PTPRS: variants seen among roughly 807,000 people sequenced by gnomAD.
PTPRS encodes protein tyrosine phosphatase receptor type S.
A neutral mutation model predicts 215.3 loss-of-function variants in PTPRS; 63 were observed. The ratio of observed to expected loss-of-function variants is 0.29; its 90% CI spans 0.24 to 0.36. The LOEUF (loss-of-function observed/expected upper bound fraction) is 0.36. Among genes scored for constraint, PTPRS ranks in the 10% least tolerant of loss-of-function variants. PTPRS has a pLI of 1.00. For missense variants in PTPRS, 2,258 were observed against 2,825.8 expected, an observed-to-expected ratio of 0.80 and a Z score of 4.56; for synonymous variants, 1,404 against 1,191.4, an observed-to-expected ratio of 1.18 and a Z score of -3.68.
At chr19:5,306,591 G>A (rs185388774) in intron 1 of PTPRS, among the ~76,000 whole-genome samples, 6 of 152,296 alleles carry the variant, frequency 3.9e-5, no homozygotes, top group Admixed American at 6.5e-5. Context: ...TGCCTTGGGC[G>A]TTTATCACCC....
chr19:5,266,011 G>A (rs1023835070), intron 4 of PTPRS, among the ~76,000 whole-genome samples: 10 of 152,094 alleles, frequency 6.6e-5, no homozygotes, highest in African/African-American at 2.4e-4. Flanking sequence ...TGTAATCCCA[G>A]CACTTTGGGA....
At chr19:5,302,441 C>T (rs969555134) in intron 1 of PTPRS, among the ~76,000 whole-genome samples, 1 of 152,116 alleles carries the variant, frequency 6.6e-6, no homozygotes, top group African/African-American at 2.4e-5. Context: ...TCAACAGTAT[C>T]GCATATCTCT....
chr19:5,271,058 CT>C (rs2046865980), intron 4 of PTPRS, among the ~76,000 whole-genome samples: 1 of 152,214 alleles, frequency 6.6e-6, no homozygotes, highest in East Asian at 1.9e-4. Context: ...CCTCCCAGGG[CT>C]CCAAGCTGGT....
At chr19:5,303,057 G>A (rs189242992) in intron 1 of PTPRS, among the ~76,000 whole-genome samples, 1 of 152,044 alleles carries the variant, frequency 6.6e-6, no homozygotes, top group South Asian at 2.1e-4. Context: ...GCGACAGAGA[G>A]AGACCCCGTC....
rs568809647 is a variant in PTPRS, at chr19:5,228,648, G to A, written c.2376+668C>T. Among the ~76,000 whole-genome samples the A allele has an allele frequency of 5.9e-5, 9 of 152,244 alleles. No individual in the cohort carries two copies. The South Asian group carries it at 1.9e-3, about 32-fold the overall frequency. On this transcript the variant is annotated intron_variant, in intron 16 of 37. Transcript: ENST00000262963. ...CATGAGCCACCACGCCCAGCCAAGG[G>A]ACCAGTGCCAATTTAATGTCAGACC...
intron 8 of PTPRS, among the ~76,000 whole-genome samples, chr19:5,256,683 G>A (rs1427222593): frequency 1.3e-5 from 2 of 152,150 alleles, no homozygotes; most frequent in Non-Finnish European, 2.9e-5. Context: ...CAACTCACCA[G>A]AGGTGCCGTG....
chr19:5,211,550 T>A, intron 33 of PTPRS, 40 bp downstream of exon 33: 2 of 1,579,976 alleles, frequency 1.3e-6, no homozygotes, highest in Non-Finnish European at 1.7e-6. Flanking sequence ...AGAGATGGGC[T>A]CCTTCTGGGG....
At chr19:5,207,876 T>G in intron 37 of PTPRS, 46 bp downstream of exon 37, 1 of 1,601,890 alleles carries the variant, frequency 6.2e-7, no homozygotes, top group Non-Finnish European at 8.5e-7. Flanking sequence ...TTAGGGGCAG[T>G]CGGGGCGTGA....
At chr19:5,340,495 T>C (rs1168247980) in intron 1 of PTPRS, among the ~76,000 whole-genome samples, 169 bp downstream of exon 1, 1 of 150,950 alleles carries the variant, frequency 6.6e-6, no homozygotes. Flanking sequence ...GCGCAGCGGC[T>C]GGGCGTGCAA....
At chr19:5,325,499 A>G (rs1384237049) in intron 1 of PTPRS, among the ~76,000 whole-genome samples, 1 of 126,608 alleles carries the variant, frequency 7.9e-6, no homozygotes, top group East Asian at 1.9e-4. Flanking sequence ...GAAAGAGAAG[A>G]GAGACGTCAT....
rs183413022 is a variant in PTPRS at position 5,273,433 on chromosome 19, G to T, written c.379+9C>A. ...GTTTATCCTCCGCCCGCCCTGAGGAGCCCAATACCTCGGAGGACAGTAAGC... is the reference window on the plus strand; with the variant it reads ...GTTTATCCTCCGCCCGCCCTGAGGATCCCAATACCTCGGAGGACAGTAAGC... On this transcript the variant is annotated intron_variant, in intron 4 of 37. Coordinates refer to ENST00000262963, the MANE Select transcript of PTPRS (RefSeq NM_002850.4). 5.5e-5 allele frequency: 88 copies of T among 1,614,138 alleles called. No homozygotes were observed. The highest frequency in any genetic ancestry group is 1.7e-4 in the Admixed American group (10 of 60,004).
At chr19:5,265,307 C>A in intron 4 of PTPRS, 111 bp from the exon 5 acceptor site, 1 of 993,742 alleles carries the variant, frequency 1.0e-6, no homozygotes. Flanking sequence ...TCCCTGGCTG[C>A]GTGACCTCAG....
At chr19:5,280,048 C>G (rs536421609) in intron 2 of PTPRS, among the ~76,000 whole-genome samples, 16 of 152,308 alleles carry the variant, frequency 1.1e-4, no homozygotes, top group African/African-American at 3.8e-4. Context: ...AAAAATGGAG[C>G]AAAACTTTGT....
chr19:5,313,842 A>G (rs2049786370), intron 1 of PTPRS, among the ~76,000 whole-genome samples: 1 of 152,058 alleles, frequency 6.6e-6, no homozygotes, highest in Admixed American at 6.6e-5. Flanking sequence ...CACACCTGTA[A>G]TCCCAGCATT....
intron 7 of PTPRS, among the ~76,000 whole-genome samples, chr19:5,260,592 A>C (rs1274751751): frequency 6.6e-6 from 1 of 152,196 alleles, no homozygotes. Context: ...TTCCACAGCC[A>C]GGTGACCTGA....
intron 1 of PTPRS, among the ~76,000 whole-genome samples, chr19:5,333,916 C>CA (rs2050408699): frequency 6.6e-6 from 1 of 152,224 alleles, no homozygotes; most frequent in Non-Finnish European, 1.5e-5. Context: ...GTCAACCGAT[C>CA]ACTTTCCTGA....
At chr19:5,336,090 C>G (rs950416165) in intron 1 of PTPRS, among the ~76,000 whole-genome samples, 1 of 151,892 alleles carries the variant, frequency 6.6e-6, no homozygotes, top group African/African-American at 2.4e-5. Context: ...CACTCCTACC[C>G]GTTAATTTTC....
rs1190244641 is a variant in PTPRS at position 5,295,839 on chromosome 19, C to A, written c.-94-9605G>T. Among the ~76,000 whole-genome samples the A allele has an allele frequency of 6.6e-6, 1 of 152,182 alleles. No homozygotes were observed. The highest frequency in any genetic ancestry group is 1.5e-5 in the Non-Finnish European group (1 of 68,014). On this transcript the variant is annotated intron_variant, in intron 1 of 37. Transcript: ENST00000262963. The surrounding 1 kb of genome is among the most constrained non-coding windows in gnomAD (Gnocchi z 4.6). ...CACTCTAGCCTCAACCTCCTGGGCT[C>A]AACCTCCTGGGCTCAAGTGATCCTC...
At chr19:5,246,589 G>A (rs2044505025) in intron 9 of PTPRS, among the ~76,000 whole-genome samples, 2 of 152,312 alleles carry the variant, frequency 1.3e-5, no homozygotes, top group Middle Eastern at 3.4e-3. Context: ...AGTGGGTTAG[G>A]AGAGGGGGCA....
Sources: gnomAD v4.1 joint callset for allele counts (sites outside exome capture counted in the v4.1 genomes callset) on GRCh38, gnomAD v4.1.1 for gene constraint, Gnocchi (gnomAD v3.1) non-coding constraint, MANE v1.5 for transcripts, NCBI Gene and HGNC (gene_info 2026-07-23, HGNC 2026-07-21) for gene names.